Variants in GALNT13 observed in about 807,000 individuals in gnomAD.
GALNT13 encodes the protein polypeptide N-acetylgalactosaminyltransferase 13.
GALNT13 carries 28 observed loss-of-function variants against 64.2 expected under a neutral mutation model. The observed-to-expected ratio is 0.44, with a 90% CI of 0.32 to 0.60. GALNT13 has a LOEUF of 0.60. Ranked by LOEUF, GALNT13 falls within the 20% of genes least tolerant of loss-of-function variation. The probability of loss-of-function intolerance (pLI) is 0.05; values close to 1 mark genes in which losing one functional copy is unlikely to be tolerated. For missense variants in GALNT13, 577 were observed against 669.8 expected (o/e 0.86, Z 1.53); for synonymous variants, 214 against 224.6 (o/e 0.95, Z 0.42).
chr2:154,450,437 T>C lies in GALNT13; in HGVS notation c.1557T>C (p.Ser519=). 1 of 1,612,534 alleles carries C rather than the reference T, an allele frequency of 6.2e-7. No individual in the cohort carries two copies. The highest frequency in any genetic ancestry group is 8.5e-7 in the Non-Finnish European group (1 of 1,179,070). ...GACTCACGTTGCGACATGTTAACAG[T>C]AACCAATGTCTCGATGAACCTTCTG... The part of the protein sequence containing the change: ...AERLTLRHVN[S]NQCLDEPSEE... The change falls in exon 13 of 13, where the codon AGT becomes AGC. Residue 519 remains serine (S), a synonymous_variant. Transcript: ENST00000392825.
At chr2:154,310,772 C>T (rs1693988835) in intron 9 of GALNT13, among the ~76,000 whole-genome samples, 1 of 152,066 alleles carries the variant, frequency 6.6e-6, no homozygotes, top group Admixed American at 6.6e-5. Flanking sequence ...CCTGACTCTA[C>T]TTAATCTCTC....
At chr2:154,005,195 T>G (rs1275307883) in intron 3 of GALNT13, among the ~76,000 whole-genome samples, 1 of 152,172 alleles carries the variant, frequency 6.6e-6, no homozygotes, top group African/African-American at 2.4e-5. Flanking sequence ...TTAAAATTAT[T>G]GGTTGGTGAA....
At chr2:154,162,995 A>G (rs1268457904) in intron 4 of GALNT13, among the ~76,000 whole-genome samples, 1 of 143,948 alleles carries the variant, frequency 6.9e-6, no homozygotes, top group Non-Finnish European at 1.5e-5. Flanking sequence ...TATATTTTTT[A>G]TTATACTTTA....
chr2:154,130,800 G>A (rs917408947), intron 3 of GALNT13, among the ~76,000 whole-genome samples: 2 of 152,182 alleles, frequency 1.3e-5, no homozygotes, highest in African/African-American at 2.4e-5. Context: ...AATCCAGCAT[G>A]CTGCTCAAAG....
At chr2:153,174,837 G>A in the GALNT13 span, among the ~76,000 whole-genome samples, 1 of 152,036 alleles carries the variant, frequency 6.6e-6, no homozygotes, top group African/African-American at 2.4e-5. Flanking sequence ...CTCTCTTTAA[G>A]GCAATGCAGG....
intron 4 of GALNT13, among the ~76,000 whole-genome samples, chr2:154,178,971 C>A (rs2105724081): frequency 6.6e-6 from 1 of 152,314 alleles, no homozygotes; most frequent in South Asian, 2.1e-4. Flanking sequence ...TCCAATCACA[C>A]AGAACCAATC....
the GALNT13 span, among the ~76,000 whole-genome samples, chr2:153,569,224 T>C: frequency 1.3e-5 from 2 of 152,162 alleles, no homozygotes; most frequent in South Asian, 2.1e-4. Flanking sequence ...TCAATACTTA[T>C]TACTTTCTAT....
At chr2:153,185,645 T>C in the GALNT13 span, among the ~76,000 whole-genome samples, 1 of 152,222 alleles carries the variant, frequency 6.6e-6, no homozygotes, top group African/African-American at 2.4e-5. Flanking sequence ...CCAAATATTC[T>C]GGTACACGGT....
At chr2:153,682,499 G>C in the GALNT13 span, among the ~76,000 whole-genome samples, 80 of 151,664 alleles carry the variant, frequency 5.3e-4, 2 homozygotes, top group East Asian at 0.015. Flanking sequence ...TCTGCAAACT[G>C]TGCACACTTT....
At chr2:154,087,556 A>C (rs1701594835) in intron 3 of GALNT13, among the ~76,000 whole-genome samples, 1 of 152,090 alleles carries the variant, frequency 6.6e-6, no homozygotes, top group African/African-American at 2.4e-5. Context: ...ACTTCCTATC[A>C]GTAAATAATT....
intron 12 of GALNT13, among the ~76,000 whole-genome samples, chr2:154,443,807 G>A (rs748602657): frequency 3.0e-4 from 45 of 151,890 alleles, no homozygotes; most frequent in Admixed American, 2.0e-4. Flanking sequence ...GGCATGAATC[G>A]TTAATATTTT....
chr2:154,042,457 G>A (rs1699033053), intron 3 of GALNT13, among the ~76,000 whole-genome samples: 1 of 139,274 alleles, frequency 7.2e-6, no homozygotes, highest in Non-Finnish European at 1.6e-5. Context: ...ATTATAATTT[G>A]GTTTTATTTG....
the GALNT13 span, among the ~76,000 whole-genome samples, chr2:153,301,519 T>C: frequency 6.6e-6 from 1 of 152,132 alleles, no homozygotes. Flanking sequence ...TATTACCTTA[T>C]ATATTTATTA....
At chr2:154,313,214 T>C (rs1559084774) in intron 9 of GALNT13, among the ~76,000 whole-genome samples, 1 of 149,242 alleles carries the variant, frequency 6.7e-6, no homozygotes, top group Non-Finnish European at 1.5e-5. Context: ...TGTGTATACA[T>C]ACACACACAC....
the GALNT13 span, among the ~76,000 whole-genome samples, chr2:153,691,215 C>CA: frequency 6.6e-6 from 1 of 151,874 alleles, no homozygotes; most frequent in Non-Finnish European, 1.5e-5. Context: ...AAGTCAGAGA[C>CA]AAAATATTAT....
rs192607951 is a variant in GALNT13 at position 154,385,695 on chromosome 2, T to C, written c.1157-10296T>C. Among the ~76,000 whole-genome samples, 125 of 152,088 alleles carry C rather than the reference T, an allele frequency of 8.2e-4. 1 individual carries two copies. Among genetic ancestry groups the C allele is most frequent in the Non-Finnish European group, 2.6e-4 (18 of 67,930 alleles). The stretch of plus-strand genomic sequence containing the variant: ...GAACATGAAGTCCCTTAAGTAATAG[T>C]TTATCTGTTGTTCCAGTACTTCCGG... On this transcript the variant is annotated intron_variant, in intron 9 of 12. Coordinates refer to ENST00000392825, the MANE Select transcript of GALNT13 (RefSeq NM_052917.4).
the GALNT13 span, among the ~76,000 whole-genome samples, chr2:153,702,467 A>T: frequency 8.7e-4 from 133 of 152,042 alleles, no homozygotes; most frequent in Non-Finnish European, 1.5e-3. Flanking sequence ...GAAATTAAAT[A>T]AAATAAATAA....
chr2:153,636,575 A>G, the GALNT13 span, among the ~76,000 whole-genome samples: 1 of 152,098 alleles, frequency 6.6e-6, no homozygotes, highest in African/African-American at 2.4e-5. Flanking sequence ...ATAAAATAGG[A>G]TATTTCTGGT....
the GALNT13 span, among the ~76,000 whole-genome samples, chr2:153,598,614 G>A: frequency 6.6e-6 from 1 of 151,946 alleles, no homozygotes; most frequent in Non-Finnish European, 1.5e-5. Flanking sequence ...AATATCTACA[G>A]CTCCTGCAAC....
Sources: gnomAD v4.1 joint callset for allele counts (sites outside exome capture counted in the v4.1 genomes callset) on GRCh38, gnomAD v4.1.1 for gene constraint, MANE v1.5 for transcripts, NCBI Gene and HGNC (gene_info 2026-07-23, HGNC 2026-07-21) for gene names.